CST9L: variants seen among roughly 807,000 people sequenced by gnomAD.
CST9L encodes cystatin-9-like.
Under a neutral mutation model 13.2 loss-of-function variants are expected in CST9L, and 17 were observed. The ratio of observed to expected loss-of-function variants is 1.29; its 90% confidence interval spans 0.88 to 1.93. The LOEUF (loss-of-function observed/expected upper bound fraction) is 1.93. Among genes scored for constraint, CST9L ranks in the 30% most tolerant of loss-of-function variants. CST9L has a pLI of 0.00. For synonymous variants in CST9L, 78 were observed against 69.1 expected (o/e 1.13, Z -0.64); for missense variants, 170 against 170.5 (o/e 1.00, Z 0.02).
chr20:23,566,240 T>C (rs1022221282), intron 1 of CST9L, among the ~76,000 whole-genome samples, 153 bp from the exon 2 acceptor site: 1 of 152,184 alleles, frequency 6.6e-6, no homozygotes, highest in African/African-American at 2.4e-5. Context: ...CTTCTTTAGA[T>C]TGGGCAGTTA....
chr20:23,567,507 CA>C (rs11470332), intron 1 of CST9L, among the ~76,000 whole-genome samples: 3,512 of 110,556 alleles, frequency 0.032, 117 homozygotes, highest in African/African-American at 0.12. Context: ...GATTCCATCT[CA>C]AAAAAAAAAA....
chr20:23,568,259 G>T lies in CST9L; in HGVS notation c.192C>A (p.Asp64Glu), dbSNP rs1471208577. Residue 64 changes from aspartate to glutamate, a missense_variant, in exon 1 of 3, where the codon GAC becomes GAA. Physicochemically the swap from Asp to Glu is conservative, Grantham distance 45. Transcript: ENST00000376979. The stretch of plus-strand genomic sequence containing the variant: ...TGTGCCCCAGTCTGTAGGCATAGTA[G>T]TCCTTGCTCTGTTGGTTGAATGTGT... The part of the protein sequence containing the change: ...AVHTFNQQSK[D>E]YYAYRLGHIL... 6.2e-7 allele frequency: 1 copy of T among 1,614,140 alleles called. No individual in the cohort carries two copies. The highest frequency in any genetic ancestry group is 1.7e-5 in the Admixed American group (1 of 60,022).
chr20:23,568,046 G>A (rs984873121), intron 1 of CST9L, among the ~76,000 whole-genome samples, 165 bp downstream of exon 1: 6 of 152,160 alleles, frequency 3.9e-5, no homozygotes, highest in African/African-American at 1.4e-4. Context: ...TAACTTAGAT[G>A]TTTTCAAAAT....
rs1282448566 is a variant in CST9L at position 23,564,941 on chromosome 20, G to T, written c.*7C>A. On this transcript the variant is annotated 3_prime_UTR_variant, in exon 3 of 3. Transcript: ENST00000376979. ...AGCACATGGACAAGCCTGTGAGTGG[G>T]TTTCACTCAGTGGAATCCCTCCAAG... 7 of 1,596,778 alleles carry T rather than the reference G, an allele frequency of 4.4e-6. No homozygotes were observed. The Admixed American group carries it at 6.7e-5, about 15-fold the overall frequency.
rs781744354 is a variant in CST9L at position 23,564,921 on chromosome 20, A to G, written c.*27T>C. 3.9e-6 allele frequency: 6 copies of G among 1,531,782 alleles called. No homozygotes were observed. Among genetic ancestry groups the G allele is most frequent in the Admixed American group, 1.7e-5 (1 of 59,912 alleles). 94.9% of individuals were successfully genotyped at this position (1,531,782 alleles called of 1,614,324 possible). The stretch of plus-strand genomic sequence containing the variant: ...TGTCCACGGAATGTGGGAGCAGCAC[A>G]TGGACAAGCCTGTGAGTGGGTTTCA... On this transcript the variant is annotated 3_prime_UTR_variant, in exon 3 of 3. Transcript: ENST00000376979.
chr20:23,564,760 T>C lies in CST9L; in HGVS notation c.*188A>G. On this transcript the variant is annotated 3_prime_UTR_variant, in exon 3 of 3. Transcript: ENST00000376979. ...CTTAAAATGCTGATGTTTAATGATC[T>C]ACACTACATGATTAGGCTCAAGATG... 1.7e-6 allele frequency: 1 copy of C among 586,848 alleles called. No individual in the cohort carries two copies. The highest frequency in any genetic ancestry group is 3.1e-6 in the Non-Finnish European group (1 of 326,462). The allele number at this position is 586,848 out of a possible 1,614,324, so 36.4% of individuals were successfully genotyped here.
At chr20:23,567,799 CT>C (rs1989119889) in intron 1 of CST9L, among the ~76,000 whole-genome samples, 1 of 151,930 alleles carries the variant, frequency 6.6e-6, no homozygotes, top group Admixed American at 6.6e-5. Flanking sequence ...CCTTACTGTT[CT>C]CTTTTTTAAT....
chr20:23,567,805 T>C (rs1160079233), intron 1 of CST9L, among the ~76,000 whole-genome samples: 5 of 152,166 alleles, frequency 3.3e-5, no homozygotes, highest in African/African-American at 1.2e-4. Context: ...TGTTCTCTTT[T>C]TTAATTTTCA....
intron 2 of CST9L, among the ~76,000 whole-genome samples, chr20:23,565,330 A>C (rs1989077099): frequency 6.6e-6 from 1 of 152,144 alleles, no homozygotes; most frequent in South Asian, 2.1e-4. Flanking sequence ...CCCTGCACCC[A>C]AGAGCAGCAG....
In CST9L at chr20:23,565,007, T is replaced by C; in HGVS notation, c.385A>G (p.Arg129Gly). Residue 129 changes from arginine to glycine, a missense_variant, in exon 3 of 3, where the codon AGG (arginine) becomes GGG (glycine). Physicochemically the swap from Arg to Gly is moderately radical, Grantham distance 125. Transcript: ENST00000376979. ...AGGCTGAACTGAGTCATCCAGGGCC[T>C]GGTGCTGATGGTGAAGAAGCAGGTG... is the stretch of plus-strand genomic sequence containing the variant. ...TFTCFFTIST[R>G]PWMTQFSLLN... is the part of the protein sequence containing the mutation. 6.2e-7 allele frequency: 1 copy of C among 1,613,952 alleles called. No individual in the cohort carries two copies. The highest frequency in any genetic ancestry group is 8.5e-7 in the Non-Finnish European group (1 of 1,179,888).
chr20:23,566,721 T>C (rs1989101484), intron 1 of CST9L, among the ~76,000 whole-genome samples: 1 of 151,708 alleles, frequency 6.6e-6, no homozygotes, highest in Admixed American at 6.6e-5. Context: ...CCATCTCTAC[T>C]AAAAATACAA....
chr20:23,566,881 C>G (rs945897957), intron 1 of CST9L, among the ~76,000 whole-genome samples: 2 of 152,096 alleles, frequency 1.3e-5, no homozygotes, highest in African/African-American at 4.8e-5. Context: ...GGGTGAGACT[C>G]CATATCAAAA....
In CST9L at chr20:23,568,255, A is replaced by T. The variant is rs1440167903; in HGVS notation, c.196T>A (p.Tyr66Asn). Reference sequence around the variant, plus strand: ...AAGATGTGCCCCAGTCTGTAGGCATAGTAGTCCTTGCTCTGTTGGTTGAAT... The same window carrying T: ...AAGATGTGCCCCAGTCTGTAGGCATTGTAGTCCTTGCTCTGTTGGTTGAAT... ...HTFNQQSKDY[Y>N]AYRLGHILNS... Residue 66 changes from tyrosine (Y) to asparagine (N), a missense_variant, in exon 1 of 3, where the codon TAT becomes AAT. Transcript: ENST00000376979. 1.2e-6 allele frequency: 2 copies of T among 1,614,064 alleles called. No individual in the cohort carries two copies. The highest frequency in any genetic ancestry group is 2.7e-5 in the African/African-American group (2 of 74,916).
intron 1 of CST9L, among the ~76,000 whole-genome samples, chr20:23,566,461 G>T (rs1466064773): frequency 1.3e-5 from 2 of 152,168 alleles, no homozygotes; most frequent in Non-Finnish European, 2.9e-5. Context: ...CTCAGCCCTG[G>T]GACAGAGGGA....
chr20:23,565,997 G>A lies in CST9L; in HGVS notation c.331C>T (p.Gln111Ter). The change falls in exon 2 of 3, where the codon CAA becomes TAA. Residue 111 changes from glutamine (Q) to a stop codon, truncating the protein, a stop_gained. Transcript: ENST00000376979. LOFTEE classifies it low-confidence loss of function (END_TRUNC). ...FEDDIDNCHF[Q>*]ESTELNNTFT... The stretch of plus-strand genomic sequence containing the variant: ...ACATTGTTCAGCTCTGTGCTTTCTT[G>A]GAAATGGCAGTTGTCAATGTCGTCT... 1 of 1,598,720 alleles carries A rather than the reference G, an allele frequency of 6.3e-7. No individual in the cohort carries two copies. Among genetic ancestry groups the A allele is most frequent in the Non-Finnish European group, 8.6e-7 (1 of 1,165,902 alleles).
rs761066730 is a variant in CST9L at position 23,566,045 on chromosome 20, T to C, written c.283A>G (p.Arg95Gly). The change falls in exon 2 of 3, where the codon AGA (arginine) becomes GGA (glycine). Residue 95 changes from arginine (R) to glycine (G), a missense_variant. Coordinates refer to ENST00000376979, the MANE Select transcript of CST9L (RefSeq NM_080610.3). ...TCTTCAAATTTCCCACACCTAGTTC[T>C]CCCCAGCAGTAGCTCCATTGAGAAT... is the stretch of plus-strand genomic sequence containing the variant. ...TVFSMELLLG[R>G]TRCGKFEDDI... The C allele has an allele frequency of 5.6e-6, 9 of 1,610,652 alleles. No homozygotes were observed. Among genetic ancestry groups the C allele is most frequent in the Non-Finnish European group, 6.8e-6 (8 of 1,176,756 alleles).
At chr20:23,566,916 A>G (rs527793359) in intron 1 of CST9L, among the ~76,000 whole-genome samples, 4 of 152,164 alleles carry the variant, frequency 2.6e-5, no homozygotes, top group South Asian at 2.1e-4. Flanking sequence ...AAGAAACACC[A>G]TCTGCCCTAT....
Position 23,564,912 on chromosome 20 carries a change from G to T in CST9L, c.*36C>A. The T allele has an allele frequency of 7.0e-7, 1 of 1,424,946 alleles. No homozygotes were observed. The highest frequency in any genetic ancestry group is 1.1e-5 in the South Asian group (1 of 87,456). The allele number at this position is 1,424,946 out of a possible 1,614,324, so 88.3% of individuals were successfully genotyped here. On this transcript the variant is annotated 3_prime_UTR_variant, in exon 3 of 3. Transcript: ENST00000376979. ...TAGTGCTGATGTCCACGGAATGTGGGAGCAGCACATGGACAAGCCTGTGAG... is the reference window on the plus strand; with the variant it reads ...TAGTGCTGATGTCCACGGAATGTGGTAGCAGCACATGGACAAGCCTGTGAG...
chr20:23,567,562 C>T (rs1989115447), intron 1 of CST9L, among the ~76,000 whole-genome samples: 1 of 150,220 alleles, frequency 6.7e-6, no homozygotes, highest in African/African-American at 2.4e-5. Context: ...ATTGTTCATG[C>T]CTACAGCACA....
Sources: allele counts gnomAD v4.1 joint callset (sites outside exome capture counted in the v4.1 genomes callset), GRCh38; gene constraint gnomAD v4.1.1; transcripts MANE v1.5; gene names NCBI Gene and HGNC (gene_info 2026-07-23, HGNC 2026-07-21).